SLIT3: variants seen among roughly 807,000 people sequenced by gnomAD.
SLIT3 encodes slit guidance ligand 3.
SLIT3 carries 68 observed loss-of-function variants against 184.0 expected under a neutral mutation model. The observed-to-expected ratio is 0.37, with a 90% CI of 0.30 to 0.45. The LOEUF is 0.45. Ranked by LOEUF, SLIT3 falls within the 20% of genes least tolerant of loss-of-function variation. SLIT3 has a pLI of 1.00. For missense variants in SLIT3, 1,707 were observed against 2,026.0 expected (o/e 0.84, Z 3.02); for synonymous variants, 831 against 828.6 (o/e 1.00, Z -0.05).
intron 4 of SLIT3, among the ~76,000 whole-genome samples, chr5:169,046,788 A>C (rs1459134107): frequency 6.6e-6 from 1 of 152,112 alleles, no homozygotes; most frequent in African/African-American, 2.4e-5. Context: ...TTAAAATCAA[A>C]AGTGATTTCT....
At chr5:169,147,765 G>A (rs1178294587) in intron 4 of SLIT3, among the ~76,000 whole-genome samples, 1 of 152,154 alleles carries the variant, frequency 6.6e-6, no homozygotes, top group Non-Finnish European at 1.5e-5. Context: ...TTTCAGTAGA[G>A]GGTGTCTGGT....
rs141654741 is a variant in SLIT3 at position 169,148,003 on chromosome 5, G to C, written c.413+45476C>G. ...TTAGAGAAAGATTCCAAGAAGATTCGTTCCTGTCTGTTTTTGCAGGTCAGG... is the reference window on the plus strand; with the variant it reads ...TTAGAGAAAGATTCCAAGAAGATTCCTTCCTGTCTGTTTTTGCAGGTCAGG... On this transcript the variant is annotated intron_variant, in intron 4 of 35. Coordinates refer to ENST00000519560, the MANE Select transcript of SLIT3 (RefSeq NM_003062.4). Among the ~76,000 whole-genome samples the C allele has an allele frequency of 3.1e-3, 469 of 152,212 alleles. 3 individuals carry two copies. Among genetic ancestry groups the C allele is most frequent in the African/African-American group, 0.01 (418 of 41,502 alleles).
chr5:168,897,465 G>A (rs980625977), intron 4 of SLIT3, among the ~76,000 whole-genome samples: 14 of 152,098 alleles, frequency 9.2e-5, no homozygotes, highest in Non-Finnish European at 1.9e-4. Flanking sequence ...GTTAAAGAGG[G>A]AGACTGACAC....
rs150670943 is a variant in SLIT3 at position 169,174,020 on chromosome 5, C to T, written c.413+19459G>A. Among the ~76,000 whole-genome samples the T allele has an allele frequency of 3.9e-3, 598 of 152,232 alleles. 10 individuals carry two copies. Among genetic ancestry groups the T allele is most frequent in the Admixed American group, 0.031 (469 of 15,294 alleles). ...TTCCCTGAGGGTTTTCTGGTACAAA[C>T]GGTACAGAAGACCCTTCTCTGGTTA... On this transcript the variant is annotated intron_variant, in intron 4 of 35. Transcript: ENST00000519560.
chr5:168,755,448 T>TCTCTCTCTCTCTCTCTCTCTCTCTCTCTC, intron 16 of SLIT3, among the ~76,000 whole-genome samples: 1 of 102,566 alleles, frequency 9.7e-6, no homozygotes, highest in Admixed American at 9.7e-5. Flanking sequence ...TTTCTTTCTT[T>TCTCTCTCTCTCTCTCTCTCTCTCTCTCTC]TTGAGACAGA....
At chr5:168,883,230 C>T (rs201606372) in intron 5 of SLIT3, 35 bp downstream of exon 5, 84 of 1,584,138 alleles carry the variant, frequency 5.3e-5, no homozygotes, top group Non-Finnish European at 7.1e-5. Context: ...CCAAGTTAGC[C>T]ACATACGTAG....
At chr5:169,180,331 G>T (rs1763115472) in intron 4 of SLIT3, among the ~76,000 whole-genome samples, 1 of 152,198 alleles carries the variant, frequency 6.6e-6, no homozygotes, top group Non-Finnish European at 1.5e-5. Context: ...CAAGTACCAG[G>T]GGTCAGATGA....
At chr5:169,125,564 C>T (rs548271274) in intron 4 of SLIT3, among the ~76,000 whole-genome samples, 24 of 152,298 alleles carry the variant, frequency 1.6e-4, no homozygotes, top group Admixed American at 2.6e-4. Flanking sequence ...ACTGGTCACT[C>T]GGCCTTCACC....
chr5:168,987,093 G>C lies in SLIT3; in HGVS notation c.414-103757C>G, dbSNP rs547217625. On this transcript the variant is annotated intron_variant, in intron 4 of 35. Coordinates refer to ENST00000519560, the MANE Select transcript of SLIT3 (RefSeq NM_003062.4). The stretch of plus-strand genomic sequence containing the variant: ...TATTTATCAAACACGGACTTGGCCA[G>C]CTTATTAATGGTCACTAAGCTGTAG... 4.6e-5 allele frequency among the ~76,000 whole-genome samples: 7 copies of C among 152,268 alleles called. No homozygotes were observed. The East Asian group carries it at 1.4e-3, about 29-fold the overall frequency.
chr5:168,668,880 T>C (rs533607066), intron 35 of SLIT3, among the ~76,000 whole-genome samples: 9 of 152,344 alleles, frequency 5.9e-5, no homozygotes, highest in Middle Eastern at 3.4e-3. Context: ...AATGATTCTC[T>C]TGCCTCGCCT....
At chr5:168,798,862 A>T (rs966253099) in intron 9 of SLIT3, among the ~76,000 whole-genome samples, 1 of 152,126 alleles carries the variant, frequency 6.6e-6, no homozygotes, top group African/African-American at 2.4e-5. Flanking sequence ...CTTATTAGTT[A>T]TTACCACCTC....
chr5:168,935,312 T>C (rs1411562701), intron 4 of SLIT3, among the ~76,000 whole-genome samples: 1 of 152,156 alleles, frequency 6.6e-6, no homozygotes, highest in African/African-American at 2.4e-5. Context: ...CTCCACTTCC[T>C]AAAGTCTGAA....
chr5:169,248,537 A>G (rs952339999), intron 2 of SLIT3, among the ~76,000 whole-genome samples: 3 of 152,180 alleles, frequency 2.0e-5, no homozygotes, highest in African/African-American at 7.2e-5. Context: ...GGAATCCGGG[A>G]AGGGCTGGAC....
intron 4 of SLIT3, among the ~76,000 whole-genome samples, chr5:169,127,431 T>C (rs912330341): frequency 3.3e-5 from 5 of 152,208 alleles, no homozygotes; most frequent in East Asian, 3.8e-4. Context: ...TTTTGTGCCC[T>C]GAACTCAAGT....
At chr5:168,738,331 G>A (rs989675625) in intron 20 of SLIT3, among the ~76,000 whole-genome samples, 3 of 152,166 alleles carry the variant, frequency 2.0e-5, no homozygotes, top group Admixed American at 6.5e-5. Flanking sequence ...CTGTGCACTT[G>A]CAGGTTTTAC....
chr5:169,108,907 C>T (rs983692898), intron 4 of SLIT3, among the ~76,000 whole-genome samples: 2 of 152,208 alleles, frequency 1.3e-5, no homozygotes, highest in African/African-American at 4.8e-5. Context: ...TCAGTATCCT[C>T]ATCCACATGC....
At chr5:169,297,187 C>T (rs1461719887) in intron 1 of SLIT3, among the ~76,000 whole-genome samples, 1 of 152,190 alleles carries the variant, frequency 6.6e-6, no homozygotes, top group Non-Finnish European at 1.5e-5. Context: ...TTCTTCTCTG[C>T]ATTTATTTAG....
chr5:168,997,833 G>A (rs1755566975), intron 4 of SLIT3, among the ~76,000 whole-genome samples: 1 of 152,126 alleles, frequency 6.6e-6, no homozygotes, highest in African/African-American at 2.4e-5. Flanking sequence ...GGTATTTCTG[G>A]CACACCTGAG....
intron 14 of SLIT3, among the ~76,000 whole-genome samples, chr5:168,765,106 G>A (rs984708908): frequency 2.0e-5 from 3 of 152,202 alleles, no homozygotes; most frequent in Non-Finnish European, 4.4e-5. Flanking sequence ...CTGATCAAAG[G>A]CAGAAAGACA....
Sources: gnomAD v4.1 joint callset for allele counts (sites outside exome capture counted in the v4.1 genomes callset) on GRCh38, gnomAD v4.1.1 for gene constraint, MANE v1.5 for transcripts, NCBI Gene and HGNC (gene_info 2026-07-23, HGNC 2026-07-21) for gene names.